FRMD6: variants seen among roughly 807,000 people sequenced by gnomAD.
The protein encoded by FRMD6 is FERM domain containing 6, also known as FERM domain-containing protein 6.
FRMD6 carries 37 observed loss-of-function variants against 73.2 expected under a neutral mutation model. The observed-to-expected ratio is 0.51, with a 90% CI of 0.39 to 0.66. The LOEUF is 0.66. FRMD6 is among the 30% of genes least tolerant of loss of function. The probability of loss-of-function intolerance (pLI) is 0.00; values close to 1 mark genes in which losing one functional copy is unlikely to be tolerated. For synonymous variants in FRMD6, 273 were observed against 282.2 expected (o/e 0.97, Z 0.33); for missense variants, 714 against 780.5 (o/e 0.91, Z 1.02).
chr14:51,406,174 C>T, the FRMD6 span, among the ~76,000 whole-genome samples: 3 of 152,084 alleles, frequency 2.0e-5, no homozygotes, highest in Non-Finnish European at 4.4e-5. Flanking sequence ...CTATTCTGTT[C>T]CACTGGTCTA....
the FRMD6 span, among the ~76,000 whole-genome samples, chr14:51,398,726 C>T: frequency 6.6e-6 from 1 of 152,284 alleles, no homozygotes; most frequent in African/African-American, 2.4e-5. Flanking sequence ...ATAATCCTCT[C>T]TGAAGACAGC....
the FRMD6 span, among the ~76,000 whole-genome samples, chr14:51,462,403 C>G: frequency 1.3e-5 from 2 of 152,204 alleles, no homozygotes; most frequent in Non-Finnish European, 2.9e-5. Flanking sequence ...GCTCCCAACT[C>G]TTCCTTTGGT....
intron 2 of FRMD6, among the ~76,000 whole-genome samples, chr14:51,613,742 C>G (rs1890603792): frequency 6.6e-6 from 1 of 151,820 alleles, no homozygotes; most frequent in African/African-American, 2.4e-5. Flanking sequence ...AGAAAAAGAG[C>G]CCTTTGAAAA....
At chr14:51,602,326 A>G (rs2139812382) in intron 2 of FRMD6, among the ~76,000 whole-genome samples, 1 of 152,262 alleles carries the variant, frequency 6.6e-6, no homozygotes, top group Admixed American at 6.5e-5. Flanking sequence ...GAATTCTCAC[A>G]ATCCTATAAC....
chr14:51,484,251 C>T (rs986835679), upstream of FRMD6, among the ~76,000 whole-genome samples: 3 of 152,180 alleles, frequency 2.0e-5, no homozygotes. Context: ...GCTGATCTGA[C>T]CTGCCAGGGA....
the FRMD6 span, among the ~76,000 whole-genome samples, chr14:51,474,925 T>C: frequency 6.6e-6 from 1 of 152,236 alleles, no homozygotes; most frequent in Non-Finnish European, 1.5e-5. Context: ...ATGTTCTTTC[T>C]GCAGAGATAT....
At chr14:51,450,781 A>T in the FRMD6 span, among the ~76,000 whole-genome samples, 16,033 of 152,220 alleles carry the variant, frequency 0.11, 964 homozygotes, top group Non-Finnish European at 0.13. Flanking sequence ...ATCAGTTTGC[A>T]CCTCAAATAG....
In FRMD6 at chr14:51,698,022, T is replaced by TTC. The variant is rs527680165; in HGVS notation, c.100-118_100-117dup. 5.2e-4 allele frequency: 335 copies of TTC among 644,808 alleles called. 1 individual carries two copies. Among genetic ancestry groups the TTC allele is most frequent in the African/African-American group, 3.4e-3 (189 of 55,428 alleles). 39.9% of individuals were successfully genotyped at this position (644,808 alleles called of 1,614,324 possible). Reference sequence around the variant, plus strand: ...TGATTTGGATAAAGCAGCAGTTGTTTTCTACTGTCAGCTTGTCCTTTCAAG... The same window carrying TTC: ...TGATTTGGATAAAGCAGCAGTTGTTTTCTCTACTGTCAGCTTGTCCTTTCAAG... On this transcript the variant is annotated intron_variant, in intron 2 of 13. Transcript: ENST00000344768.
At chr14:51,546,964 TA>T (rs1886506871) in intron 1 of FRMD6, 2 of 152,032 alleles carry the variant, frequency 1.3e-5, no homozygotes, top group Non-Finnish European at 1.5e-5. Flanking sequence ...AAGTTTCAGC[TA>T]ATAGGAGAAT....
At chr14:51,653,342 T>C (rs531016550) in intron 1 of FRMD6, among the ~76,000 whole-genome samples, 1 of 152,344 alleles carries the variant, frequency 6.6e-6, no homozygotes, top group South Asian at 2.1e-4. Flanking sequence ...AAAATGCTGT[T>C]GGAGAAAGCT....
the FRMD6 span, among the ~76,000 whole-genome samples, chr14:51,469,101 C>T: frequency 1.1e-4 from 16 of 151,664 alleles, no homozygotes; most frequent in Admixed American, 5.9e-4. Context: ...CCACCACGCC[C>T]GGCTAATTTT....
chr14:51,532,646 G>A (rs1885656065), intron 1 of FRMD6, among the ~76,000 whole-genome samples: 1 of 152,170 alleles, frequency 6.6e-6, no homozygotes, highest in South Asian at 2.1e-4. Context: ...TTTGTTTTGT[G>A]TGCTTATTTC....
In FRMD6 at chr14:51,727,915, C is replaced by T. The variant is rs752258019; in HGVS notation, c.1755C>T (p.Asn585=). 2 of 1,614,188 alleles carry T rather than the reference C, an allele frequency of 1.2e-6. No homozygotes were observed. The highest frequency in any genetic ancestry group is 2.2e-5 in the East Asian group (1 of 44,884). ...HELDEEGLYC[N]SCLAQQCINI... ...TGGATGAGGAAGGCCTCTATTGCAA[C>T]AGTTGCTTGGCCCAGCAGTGCATCA... The change falls in exon 14 of 14, where the codon AAC becomes AAT. Residue 585 remains asparagine (N), a synonymous_variant. Transcript: ENST00000344768.
intron 1 of FRMD6, among the ~76,000 whole-genome samples, chr14:51,558,394 G>A (rs1022630571): frequency 2.6e-5 from 4 of 151,906 alleles, no homozygotes; most frequent in African/African-American, 9.7e-5. Flanking sequence ...CTTGAACCTG[G>A]GAGGTGGAGG....
chr14:51,698,219 C>T lies in FRMD6; in HGVS notation c.177C>T (p.Leu59=). 1 of 1,610,478 alleles carries T rather than the reference C, an allele frequency of 6.2e-7. No homozygotes were observed. The highest frequency in any genetic ancestry group is 8.5e-7 in the Non-Finnish European group (1 of 1,177,500). ...TAAAGGACTGCCACCTCTTTGGACT[C>T]AGTGTTATACAAAGTAAGTCTTAGA... ...LRLKDCHLFG[L]SVIQNNEHVY... is the part of the protein sequence containing the mutation. The change falls in exon 3 of 14, where the codon CTC becomes CTT. Residue 59 remains leucine, a synonymous_variant. Coordinates refer to ENST00000344768, the MANE Select transcript of FRMD6 (RefSeq NM_001267046.2).
the FRMD6 span, among the ~76,000 whole-genome samples, chr14:51,441,293 C>T: frequency 6.6e-6 from 1 of 152,186 alleles, no homozygotes; most frequent in South Asian, 2.1e-4. Context: ...AGTTCCAGGC[C>T]CTGACACTTC....
the FRMD6 span, among the ~76,000 whole-genome samples, chr14:51,469,258 T>G: frequency 6.6e-6 from 1 of 151,372 alleles, no homozygotes; most frequent in Non-Finnish European, 1.5e-5. Context: ...TTTTTGTTTT[T>G]TATTTTTATT....
intron 1 of FRMD6, among the ~76,000 whole-genome samples, chr14:51,498,574 A>G (rs1156839720): frequency 6.6e-6 from 1 of 152,212 alleles, no homozygotes; most frequent in Non-Finnish European, 1.5e-5. Flanking sequence ...TGGAAGATCA[A>G]CAGGGGCCTG....
At chr14:51,441,022 A>G in the FRMD6 span, among the ~76,000 whole-genome samples, 2 of 152,192 alleles carry the variant, frequency 1.3e-5, no homozygotes, top group African/African-American at 4.8e-5. Context: ...CCCACTTGAT[A>G]CCTGTTGTGG....
Sources: allele counts gnomAD v4.1 joint callset (sites outside exome capture counted in the v4.1 genomes callset), GRCh38; gene constraint gnomAD v4.1.1; transcripts MANE v1.5; gene names NCBI Gene and HGNC (gene_info 2026-07-23, HGNC 2026-07-21).